UTP15: variants seen among roughly 807,000 people sequenced by gnomAD.
UTP15 encodes U3 small nucleolar RNA-associated protein 15 homolog.
In UTP15, 5 loss-of-function variants were observed where a neutral mutation model predicts 59.1. The observed-to-expected ratio is 0.08, with a 90% confidence interval of 0.04 to 0.18. UTP15 has a LOEUF of 0.18. Ranked by LOEUF, UTP15 falls within the 10% of genes least tolerant of loss-of-function variation. The pLI is 1.00. For synonymous variants in UTP15, 211 were observed against 212.2 expected, an observed-to-expected ratio of 0.99 and a Z score of 0.05; for missense variants, 494 against 616.7, an observed-to-expected ratio of 0.80 and a Z score of 2.11.
chr5:73,567,647 G>C, intron 2 of UTP15: 1 of 367,304 alleles, frequency 2.7e-6, no homozygotes, highest in South Asian at 8.2e-5. Flanking sequence ...CAAATGCCTA[G>C]CACAGAACAG....
intron 4 of UTP15, 57 bp from the exon 5 acceptor site, chr5:73,569,440 A>G (rs777882441): frequency 7.5e-5 from 99 of 1,319,238 alleles, no homozygotes; most frequent in Non-Finnish European, 9.6e-5. Flanking sequence ...TTTATGTTAG[A>G]AGGTATCAGA....
At chr5:73,577,247 A>C (rs986149943) in intron 8 of UTP15, among the ~76,000 whole-genome samples, 1 of 152,222 alleles carries the variant, frequency 6.6e-6, no homozygotes, top group Non-Finnish European at 1.5e-5. Flanking sequence ...CTTCAAACTA[A>C]ATACAGTGCT....
chr5:73,577,480 G>A (rs750660009), intron 8 of UTP15, among the ~76,000 whole-genome samples: 9 of 152,180 alleles, frequency 5.9e-5, no homozygotes, highest in Non-Finnish European at 1.3e-4. Context: ...CCACATTTGG[G>A]CAGGAAGGCA....
At chr5:73,566,867 T>C (rs926747312) in intron 1 of UTP15, among the ~76,000 whole-genome samples, 1 of 152,264 alleles carries the variant, frequency 6.6e-6, no homozygotes, top group Non-Finnish European at 1.5e-5. Flanking sequence ...TAACTATAAT[T>C]GTTATAGATT....
chr5:73,568,677 T>G, intron 4 of UTP15, 73 bp downstream of exon 4: 1 of 1,405,940 alleles, frequency 7.1e-7, no homozygotes, highest in Middle Eastern at 1.8e-4. Flanking sequence ...GGACTTTGGT[T>G]AAAAAGATAG....
At chr5:73,578,529 A>T in intron 9 of UTP15, 2 of 470,006 alleles carry the variant, frequency 4.3e-6, no homozygotes, top group East Asian at 3.6e-5. Context: ...TTAAAATTAT[A>T]AGAGAGTAAG....
Position 73,580,156 on chromosome 5 carries a change from T to C in UTP15, c.*62T>C. The C allele has an allele frequency of 6.9e-7, 1 of 1,439,708 alleles. No homozygotes were observed. The highest frequency in any genetic ancestry group is 9.6e-7 in the Non-Finnish European group (1 of 1,046,354). The allele number at this position is 1,439,708 out of a possible 1,614,324, so 89.2% of individuals were successfully genotyped here. ...GGAATAGATTTGACTGTATTAAATG[T>C]TGGCGAGAGACTCTCTTTGATACAT... is the stretch of plus-strand genomic sequence containing the variant. On this transcript the variant is annotated 3_prime_UTR_variant, in exon 13 of 13. Coordinates refer to ENST00000296792, the MANE Select transcript of UTP15 (RefSeq NM_032175.4).
rs1410745702 is a variant in UTP15, at chr5:73,582,127, G to A, written c.*2033G>A. The A allele has an allele frequency of 6.6e-6, 1 of 152,164 alleles. No homozygotes were observed. The highest frequency in any genetic ancestry group is 2.4e-5 in the African/African-American group (1 of 41,444). 9.4% of individuals were successfully genotyped at this position (152,164 alleles called of 1,614,324 possible). On this transcript the variant is annotated 3_prime_UTR_variant, in exon 13 of 13. Transcript: ENST00000296792. ...TTTGATTCTCACCACAACCATCCAAGGTTGATGTTATTCTCATTTAACATT... is the reference window on the plus strand; with the variant it reads ...TTTGATTCTCACCACAACCATCCAAAGTTGATGTTATTCTCATTTAACATT...
chr5:73,578,978 T>A (rs762626214), intron 10 of UTP15, 39 bp from the exon 11 acceptor site: 1 of 1,594,898 alleles, frequency 6.3e-7, no homozygotes, highest in African/African-American at 1.3e-5. Context: ...TTTTTTGTGC[T>A]GTTTTGTCTA....
Position 73,581,618 on chromosome 5 carries a change from TG to T in UTP15, c.*1525del, listed in dbSNP as rs1394952724. The T allele has an allele frequency of 6.6e-6, 1 of 152,086 alleles. No individual in the cohort carries two copies. The highest frequency in any genetic ancestry group is 1.5e-5 in the Non-Finnish European group (1 of 68,020). The allele number at this position is 152,086 out of a possible 1,614,324, so 9.4% of individuals were successfully genotyped here. A position where few individuals can be genotyped will look rare whatever the true frequency, so the allele number is the denominator to read the frequency against. On this transcript the variant is annotated 3_prime_UTR_variant, in exon 13 of 13. Transcript: ENST00000296792. Reference sequence around the variant, plus strand: ...GTTCTGTAAATTCAGGGTTTTTTTTTGTTTTTTTGTTTTTTTTAAGCCGAAA... The same window carrying T: ...GTTCTGTAAATTCAGGGTTTTTTTTTTTTTTTTGTTTTTTTTAAGCCGAAA...
Position 73,565,745 on chromosome 5 carries a change from G to A in UTP15, c.-251G>A, listed in dbSNP as rs1230188480. 2 of 456,036 alleles carry A rather than the reference G, an allele frequency of 4.4e-6. No individual in the cohort carries two copies. The highest frequency in any genetic ancestry group is 4.4e-6 in the Non-Finnish European group (1 of 226,926). 28.2% of individuals were successfully genotyped at this position (456,036 alleles called of 1,614,324 possible). ...GAGTCTCATGAGCGTGCTCTGGTAC[G>A]TCATCTTCGCGCGACGTTCGGTTCG... is the stretch of plus-strand genomic sequence containing the variant. On this transcript the variant is annotated 5_prime_UTR_variant, in exon 1 of 13. Transcript: ENST00000296792.
In UTP15 at chr5:73,567,999, T is replaced by C. The variant is rs74978501; in HGVS notation, c.91-236T>C. On this transcript the variant is annotated intron_variant, in intron 2 of 12. Coordinates refer to ENST00000296792, the MANE Select transcript of UTP15 (RefSeq NM_032175.4). ...CTGGTAGAAATCACAGTAAACTCAATAGCTGAAGAGACAGAGTGGGGTGTG... is the reference window on the plus strand; with the variant it reads ...CTGGTAGAAATCACAGTAAACTCAACAGCTGAAGAGACAGAGTGGGGTGTG... Among the ~76,000 whole-genome samples the C allele has an allele frequency of 3.4e-3, 511 of 152,286 alleles. 1 individual carries two copies. Among genetic ancestry groups the C allele is most frequent in the Non-Finnish European group, 5.1e-3 (345 of 68,020 alleles).
chr5:73,572,232 T>C (rs1339657264), intron 6 of UTP15, among the ~76,000 whole-genome samples: 3 of 152,226 alleles, frequency 2.0e-5, no homozygotes, highest in Non-Finnish European at 4.4e-5. Flanking sequence ...ACTCTTTCAG[T>C]TATACATTTA....
chr5:73,578,069 C>T, intron 9 of UTP15, 64 bp downstream of exon 9: 1 of 1,507,480 alleles, frequency 6.6e-7, no homozygotes, highest in South Asian at 1.2e-5. Context: ...AGCTTCATCC[C>T]TGCACATTAC....
At chr5:73,573,556 T>C (rs1022436438) in intron 7 of UTP15, among the ~76,000 whole-genome samples, 2 of 145,160 alleles carry the variant, frequency 1.4e-5, no homozygotes, top group African/African-American at 5.1e-5. Context: ...CCTGAAAAGT[T>C]TTTTAAAAAT....
At chr5:73,573,448 A>G (rs1487813279) in intron 7 of UTP15, among the ~76,000 whole-genome samples, 1 of 151,598 alleles carries the variant, frequency 6.6e-6, no homozygotes, top group Non-Finnish European at 1.5e-5. Flanking sequence ...GGGTTTCGCC[A>G]TATTGCCCAG....
chr5:73,565,747 C>T lies in UTP15; in HGVS notation c.-249C>T, dbSNP rs1747729381. On this transcript the variant is annotated 5_prime_UTR_variant, in exon 1 of 13. Coordinates refer to ENST00000296792, the MANE Select transcript of UTP15 (RefSeq NM_032175.4). ...GTCTCATGAGCGTGCTCTGGTACGTCATCTTCGCGCGACGTTCGGTTCGCT... is the reference window on the plus strand; with the variant it reads ...GTCTCATGAGCGTGCTCTGGTACGTTATCTTCGCGCGACGTTCGGTTCGCT... 1 of 456,082 alleles carries T rather than the reference C, an allele frequency of 2.2e-6. No individual in the cohort carries two copies. Among genetic ancestry groups the T allele is most frequent in the Non-Finnish European group, 4.4e-6 (1 of 226,916 alleles). The allele number at this position is 456,082 out of a possible 1,614,324, so 28.3% of individuals were successfully genotyped here.
rs997328254 is a variant in UTP15, at chr5:73,582,201, T to C, written c.*2107T>C. The C allele has an allele frequency of 6.6e-6, 1 of 152,200 alleles. No individual in the cohort carries two copies. Among genetic ancestry groups the C allele is most frequent in the African/African-American group, 2.4e-5 (1 of 41,464 alleles). The allele number at this position is 152,200 out of a possible 1,614,324, so 9.4% of individuals were successfully genotyped here. On this transcript the variant is annotated 3_prime_UTR_variant, in exon 13 of 13. Transcript: ENST00000296792. ...ACTCTCGAAGTCCCTGAGTGTGAGC[T>C]CTTCATCCTAGCACTGTGAAGTGGT...
At position 73,567,415 on chromosome 5, in the gene UTP15, T is replaced by C; in HGVS notation, c.71T>C (p.Leu24Pro). ...GGTGAAAAAATCACCCAAGATACACTGTACTGGAACAACTATAAGGTGAGT... is the reference window on the plus strand; with the variant it reads ...GGTGAAAAAATCACCCAAGATACACCGTACTGGAACAACTATAAGGTGAGT... Reference protein sequence around the residue: ...ILGEKITQDTLYWNNYKTPVQ... With the variant: ...ILGEKITQDTPYWNNYKTPVQ... Residue 24 changes from leucine (L) to proline (P), a missense_variant, in exon 2 of 13, where the codon CTG becomes CCG. Leu to Pro is a moderately conservative substitution (Grantham distance 98). Transcript: ENST00000296792. 6.2e-7 allele frequency: 1 copy of C among 1,608,462 alleles called. No homozygotes were observed. The highest frequency in any genetic ancestry group is 8.5e-7 in the Non-Finnish European group (1 of 1,177,212).
Sources: allele counts gnomAD v4.1 joint callset (sites outside exome capture counted in the v4.1 genomes callset), GRCh38; gene constraint gnomAD v4.1.1; transcripts MANE v1.5; gene names NCBI Gene and HGNC (gene_info 2026-07-23, HGNC 2026-07-21).